The following NPAS3 variants were observed in gnomAD, a reference collection of about 807,000 sequenced individuals.
The protein encoded by NPAS3 is neuronal PAS domain-containing protein 3.
A neutral mutation model predicts 73.1 loss-of-function variants in NPAS3; 14 were observed. That is an observed-to-expected ratio of 0.19 (90% CI 0.13 to 0.30). The LOEUF is 0.30. Among genes scored for constraint, NPAS3 ranks in the 10% least tolerant of loss-of-function variants. The pLI, the probability that NPAS3 is intolerant of heterozygous loss-of-function variation, is 1.00. For missense variants in NPAS3, 1,096 were observed against 1,250.0 expected (o/e 0.88, Z 1.86); for synonymous variants, 620 against 541.5 (o/e 1.14, Z -2.01).
intron 3 of NPAS3, among the ~76,000 whole-genome samples, chr14:33,323,129 T>A (rs1208104432): frequency 6.6e-6 from 1 of 152,144 alleles, no homozygotes; most frequent in African/African-American, 2.4e-5. Context: ...AATTATTTGT[T>A]GAAAGAATGC....
chr14:33,775,216 C>G (rs1356004690), intron 8 of NPAS3, among the ~76,000 whole-genome samples: 1 of 152,160 alleles, frequency 6.6e-6, no homozygotes, highest in Non-Finnish European at 1.5e-5. Context: ...TAGAAGTCAG[C>G]AGCCCCTTAT....
chr14:33,755,905 T>A (rs1392280754), intron 7 of NPAS3, among the ~76,000 whole-genome samples: 1 of 152,032 alleles, frequency 6.6e-6, no homozygotes. Flanking sequence ...AGCAAGACAG[T>A]GGGAGGTGCC....
At chr14:32,973,982 C>T (rs551856138) in intron 1 of NPAS3, among the ~76,000 whole-genome samples, 26 of 152,214 alleles carry the variant, frequency 1.7e-4, no homozygotes, top group South Asian at 8.3e-4. Context: ...TTTCTAGAAA[C>T]GATTTGAAGT....
At chr14:33,026,538 T>TC (rs2039808058) in intron 1 of NPAS3, among the ~76,000 whole-genome samples, 1 of 152,194 alleles carries the variant, frequency 6.6e-6, no homozygotes, top group Non-Finnish European at 1.5e-5. Flanking sequence ...TTTTCCTTTT[T>TC]TTTTTTTTGT....
At chr14:33,281,383 C>T (rs1044943688) in intron 3 of NPAS3, among the ~76,000 whole-genome samples, 2 of 152,124 alleles carry the variant, frequency 1.3e-5, no homozygotes, top group Admixed American at 6.5e-5. Flanking sequence ...GTAATCCCAG[C>T]ACTTTGGGAG....
intron 5 of NPAS3, among the ~76,000 whole-genome samples, chr14:33,589,648 T>C (rs1223942078): frequency 6.6e-6 from 1 of 152,116 alleles, no homozygotes; most frequent in African/African-American, 2.4e-5. Context: ...TACTATAAAG[T>C]TTTTTATTGT....
intron 7 of NPAS3, among the ~76,000 whole-genome samples, chr14:33,740,596 C>T (rs900048711): frequency 4.6e-5 from 7 of 152,230 alleles, no homozygotes; most frequent in Admixed American, 2.6e-4. Flanking sequence ...TGAACCCAAA[C>T]GATTGTACCG....
intron 3 of NPAS3, among the ~76,000 whole-genome samples, chr14:33,353,444 G>A (rs566614612): frequency 2.3e-4 from 35 of 152,292 alleles, no homozygotes; most frequent in African/African-American, 6.0e-4. Context: ...CTCTATTTAT[G>A]ACATTTGGAG....
intron 1 of NPAS3, among the ~76,000 whole-genome samples, chr14:32,981,100 G>A (rs1360654206): frequency 6.6e-6 from 1 of 152,150 alleles, no homozygotes; most frequent in African/African-American, 2.4e-5. Flanking sequence ...AGTTAGCAGT[G>A]AGTTTGCACC....
chr14:33,607,030 T>G (rs933810563), intron 5 of NPAS3, among the ~76,000 whole-genome samples: 9 of 152,234 alleles, frequency 5.9e-5, no homozygotes, highest in African/African-American at 2.2e-4. Context: ...GATATTCCAC[T>G]GTGTACCTAT....
At chr14:33,360,374 C>T (rs1437397994) in intron 3 of NPAS3, among the ~76,000 whole-genome samples, 1 of 152,146 alleles carries the variant, frequency 6.6e-6, no homozygotes, top group Non-Finnish European at 1.5e-5. Flanking sequence ...CTGGTGGGTT[C>T]ACCCCAGCAC....
In NPAS3 at chr14:33,526,764, G is replaced by T. The variant is rs903678065; in HGVS notation, c.469-33357G>T. 3.3e-5 allele frequency among the ~76,000 whole-genome samples: 5 copies of T among 152,226 alleles called. No homozygotes were observed. The South Asian group carries it at 6.2e-4, about 19-fold the overall frequency. ...GTCAGGTCAGAATTTAGCCTCGGCA[G>T]AGCCAGGCAAATTGTTCAGGATGAA... On this transcript the variant is annotated intron_variant, in intron 4 of 11. Coordinates refer to ENST00000356141, the Ensembl canonical transcript of NPAS3.
At chr14:33,148,631 G>A (rs1333551866) in intron 2 of NPAS3, among the ~76,000 whole-genome samples, 2 of 152,058 alleles carry the variant, frequency 1.3e-5, no homozygotes, top group African/African-American at 4.8e-5. Context: ...TTTTAAATGT[G>A]GCTGCCAGAA....
At chr14:33,719,627 A>C (rs976301265) in intron 6 of NPAS3, among the ~76,000 whole-genome samples, 1 of 152,212 alleles carries the variant, frequency 6.6e-6, no homozygotes, top group Non-Finnish European at 1.5e-5. Context: ...CGGAGTCTTA[A>C]GGAGATTAAA....
intron 4 of NPAS3, among the ~76,000 whole-genome samples, chr14:33,515,688 A>G (rs959586787): frequency 1.3e-5 from 2 of 152,092 alleles, no homozygotes; most frequent in East Asian, 1.9e-4. Context: ...CACGGAATAC[A>G]GTCATACTTT....
intron 3 of NPAS3, among the ~76,000 whole-genome samples, chr14:33,366,968 T>C (rs2045872530): frequency 1.3e-5 from 2 of 149,460 alleles, no homozygotes; most frequent in South Asian, 4.2e-4. Flanking sequence ...GAATGTATTT[T>C]TTTGATGTTT....
intron 2 of NPAS3, 173 bp from the exon 3 acceptor site, chr14:33,215,009 A>C: frequency 1.6e-6 from 1 of 640,888 alleles, no homozygotes; most frequent in Non-Finnish European, 2.7e-6. Context: ...CCAGAGTTAG[A>C]GTTTATGGCT....
chr14:32,981,423 A>C (rs940608297), intron 1 of NPAS3, among the ~76,000 whole-genome samples: 3 of 152,224 alleles, frequency 2.0e-5, no homozygotes, highest in Non-Finnish European at 4.4e-5. Flanking sequence ...AATGAAATGA[A>C]TCTACCTCTG....
intron 1 of NPAS3, among the ~76,000 whole-genome samples, chr14:32,996,648 G>T (rs547276280): frequency 6.6e-6 from 1 of 152,170 alleles, no homozygotes; most frequent in South Asian, 2.1e-4. Flanking sequence ...TCAAGCCTTG[G>T]CAGCTTGCAT....
Sources: allele counts gnomAD v4.1 joint callset (sites outside exome capture counted in the v4.1 genomes callset), GRCh38; gene constraint gnomAD v4.1.1; transcripts MANE v1.5; gene names NCBI Gene and HGNC (gene_info 2026-07-23, HGNC 2026-07-21).